The following DTNA variants were observed in gnomAD, a reference collection of about 807,000 sequenced individuals.
The protein encoded by DTNA is dystrophin-related protein 3.
DTNA carries 43 observed loss-of-function variants against 100.7 expected under a neutral mutation model. The ratio of observed to expected loss-of-function variants is 0.43; its 90% CI spans 0.33 to 0.55. The LOEUF (loss-of-function observed/expected upper bound fraction) is 0.55. Among genes scored for constraint, DTNA ranks in the 20% least tolerant of loss-of-function variants. The pLI is 0.04. For synonymous variants in DTNA, 349 were observed against 347.9 expected, an observed-to-expected ratio of 1.00 and a Z score of -0.04; for missense variants, 798 against 953.9, an observed-to-expected ratio of 0.84 and a Z score of 2.15.
At chr18:34,702,554 G>A (rs974714458) in intron 1 of DTNA, among the ~76,000 whole-genome samples, 10 of 152,102 alleles carry the variant, frequency 6.6e-5, no homozygotes, top group South Asian at 4.1e-4. Context: ...ACAGGAAGGC[G>A]TTTGCTTTGA....
intron 1 of DTNA, among the ~76,000 whole-genome samples, chr18:34,669,352 T>C (rs368494961): frequency 5.9e-5 from 9 of 152,272 alleles, no homozygotes; most frequent in Admixed American, 2.6e-4. Flanking sequence ...CTGAATACAG[T>C]ACACTGGTGG....
intron 13 of DTNA, among the ~76,000 whole-genome samples, chr18:34,844,217 T>G (rs1034057071): frequency 2.0e-5 from 3 of 152,164 alleles, no homozygotes; most frequent in Non-Finnish European, 4.4e-5. Context: ...TAAAGGAGTT[T>G]AAAGGTCTCC....
At chr18:34,793,279 A>T (rs1005655761) in intron 3 of DTNA, among the ~76,000 whole-genome samples, 8 of 152,268 alleles carry the variant, frequency 5.3e-5, no homozygotes, top group African/African-American at 1.9e-4. Flanking sequence ...CTGGGATCTC[A>T]TAACAAGACC....
chr18:34,780,899 G>A (rs1294915196), intron 3 of DTNA, among the ~76,000 whole-genome samples: 1 of 152,192 alleles, frequency 6.6e-6, no homozygotes, highest in Non-Finnish European at 1.5e-5. Context: ...GGAGACAAAA[G>A]GAGAGAGTTC....
intron 18 of DTNA, among the ~76,000 whole-genome samples, chr18:34,876,159 A>G (rs1209017309): frequency 1.3e-5 from 2 of 152,212 alleles, no homozygotes; most frequent in Non-Finnish European, 2.9e-5. Context: ...ATGTTTAAGG[A>G]TGTGATTATA....
chr18:34,689,389 A>G (rs1001430213), intron 1 of DTNA, among the ~76,000 whole-genome samples: 13 of 151,940 alleles, frequency 8.6e-5, no homozygotes, highest in African/African-American at 3.1e-4. Context: ...TTTCCTTCTA[A>G]TAGTCAGGCC....
chr18:34,569,474 T>C (rs2047379505), intron 1 of DTNA, among the ~76,000 whole-genome samples: 1 of 151,408 alleles, frequency 6.6e-6, no homozygotes, highest in African/African-American at 2.4e-5. Flanking sequence ...TATTTCTTGG[T>C]GATAGTGAGA....
At chr18:34,772,073 A>G (rs1011807556) in intron 3 of DTNA, among the ~76,000 whole-genome samples, 12 of 152,148 alleles carry the variant, frequency 7.9e-5, no homozygotes, top group Non-Finnish European at 1.5e-4. Flanking sequence ...GTTTAATAGT[A>G]GGAACAAAAT....
intron 1 of DTNA, among the ~76,000 whole-genome samples, chr18:34,726,155 G>A (rs1161530641): frequency 6.6e-6 from 1 of 151,992 alleles, no homozygotes; most frequent in Non-Finnish European, 1.5e-5. Context: ...TAAATGACGA[G>A]TTCATAGGTG....
intron 17 of DTNA, among the ~76,000 whole-genome samples, chr18:34,865,038 A>T (rs1413445858): frequency 1.3e-5 from 2 of 152,214 alleles, no homozygotes; most frequent in Non-Finnish European, 2.9e-5. Context: ...GTGCCACATG[A>T]TCATCCTGCC....
chr18:34,766,458 T>G (rs1409550873), intron 3 of DTNA, among the ~76,000 whole-genome samples: 1 of 142,400 alleles, frequency 7.0e-6, no homozygotes, highest in Non-Finnish European at 1.5e-5. Flanking sequence ...ATGTTCTCAC[T>G]CATAGGTGGG....
intron 1 of DTNA, among the ~76,000 whole-genome samples, chr18:34,542,042 ACACAG>A (rs1380935545): frequency 6.6e-6 from 1 of 152,078 alleles, no homozygotes; most frequent in Non-Finnish European, 1.5e-5. Context: ...TCATGGGAGC[ACACAG>A]AAATCTCTGG....
chr18:34,820,762 G>A, intron 8 of DTNA, 29 bp from the exon 9 acceptor site: 2 of 1,613,958 alleles, frequency 1.2e-6, no homozygotes, highest in Non-Finnish European at 1.7e-6. Context: ...ATTAGCTGTT[G>A]TCACTTCTGC....
intron 1 of DTNA, among the ~76,000 whole-genome samples, chr18:34,575,470 A>C (rs1598682865): frequency 6.6e-6 from 1 of 152,232 alleles, no homozygotes; most frequent in African/African-American, 2.4e-5. Flanking sequence ...TTCAACAAAC[A>C]TTCAGTCAAA....
At chr18:34,876,309 G>C (rs2096817548) in intron 18 of DTNA, among the ~76,000 whole-genome samples, 1 of 152,144 alleles carries the variant, frequency 6.6e-6, no homozygotes, top group African/African-American at 2.4e-5. Context: ...AGAGAGACAT[G>C]TTTGAATATG....
At chr18:34,813,437 C>G (rs2095525848) in intron 6 of DTNA, among the ~76,000 whole-genome samples, 1 of 140,130 alleles carries the variant, frequency 7.1e-6, no homozygotes, top group Non-Finnish European at 1.5e-5. Context: ...GAGCAAGGCC[C>G]TGTCTCAAAA....
At chr18:34,571,116 A>C (rs936071616) in intron 1 of DTNA, among the ~76,000 whole-genome samples, 4 of 152,172 alleles carry the variant, frequency 2.6e-5, no homozygotes, top group East Asian at 1.9e-4. Flanking sequence ...ACAGCAAAAA[A>C]TTCAAGCCTA....
intron 1 of DTNA, among the ~76,000 whole-genome samples, chr18:34,719,985 T>C (rs2084922746): frequency 6.6e-6 from 1 of 152,194 alleles, no homozygotes. Flanking sequence ...CCTTCCAAGC[T>C]TGGTATTTGA....
rs879346605 is a variant in DTNA, at chr18:34,539,256, CA to C, written c.-2+45753del. Among the ~76,000 whole-genome samples, 465 of 139,532 alleles carry C rather than the reference CA, an allele frequency of 3.3e-3. 3 individuals carry two copies. The highest frequency in any genetic ancestry group is 7.6e-3 in the Middle Eastern group (2 of 264). The allele number at this position is 139,532 out of a possible 152,430, so 91.5% of individuals were successfully genotyped here. On this transcript the variant is annotated intron_variant, in intron 1 of 19. Coordinates refer to the DTNA transcript ENST00000283365. ...GAAATTTTACTTCTAGGATTCCATT[CA>C]AAAAAAAAAAGTTGGCAATGAATAT...
Sources: allele counts gnomAD v4.1 joint callset (sites outside exome capture counted in the v4.1 genomes callset), GRCh38; gene constraint gnomAD v4.1.1; transcripts MANE v1.5; gene names NCBI Gene and HGNC (gene_info 2026-07-23, HGNC 2026-07-21).